GON4L: variants seen among roughly 807,000 people sequenced by gnomAD.
GON4L encodes the protein GON-4-like protein.
In GON4L, 87 loss-of-function variants were observed where a neutral mutation model predicts 211.8. The observed-to-expected ratio is 0.41, with a 90% CI of 0.35 to 0.49. The LOEUF is 0.49. Ranked by LOEUF, GON4L falls within the 20% of genes least tolerant of loss-of-function variation. The pLI is 0.15. For missense variants in GON4L, 2,155 were observed against 2,659.5 expected (o/e 0.81, Z 4.17); for synonymous variants, 875 against 962.6 (o/e 0.91, Z 1.68).
At chr1:155,806,210 T>C (rs973590231) in intron 10 of GON4L, among the ~76,000 whole-genome samples, 1 of 151,146 alleles carries the variant, frequency 6.6e-6, no homozygotes, top group Non-Finnish European at 1.5e-5. Context: ...TGGAGTGCAG[T>C]GGTACGATCT....
intron 19 of GON4L, 42 bp downstream of exon 19, chr1:155,771,025 T>C (rs970257097): frequency 1.2e-6 from 2 of 1,613,270 alleles, no homozygotes; most frequent in African/African-American, 2.7e-5. Context: ...AATGGGTACA[T>C]ATTGGTGAGG....
chr1:155,834,022 A>G (rs1357929586), intron 2 of GON4L, among the ~76,000 whole-genome samples: 2 of 151,958 alleles, frequency 1.3e-5, no homozygotes, highest in Admixed American at 1.3e-4. Flanking sequence ...GATGGAACCT[A>G]GCTATCTTGC....
intron 11 of GON4L, among the ~76,000 whole-genome samples, chr1:155,798,723 A>C (rs1666339322): frequency 6.6e-6 from 1 of 151,820 alleles, no homozygotes; most frequent in Non-Finnish European, 1.5e-5. Flanking sequence ...GCCTGATCAA[A>C]AAGTTCTTAA....
intron 12 of GON4L, among the ~76,000 whole-genome samples, chr1:155,792,739 T>C (rs776528366): frequency 6.6e-6 from 1 of 152,190 alleles, no homozygotes; most frequent in Non-Finnish European, 1.5e-5. Flanking sequence ...GTTTCTTTAC[T>C]GTTGACCATT....
chr1:155,759,155 C>T (rs1435186147), intron 24 of GON4L, among the ~76,000 whole-genome samples: 1 of 151,972 alleles, frequency 6.6e-6, no homozygotes. Flanking sequence ...CACCACCACA[C>T]CCAGTTAGTT....
At chr1:155,850,917 C>T (rs1419938585) in intron 2 of GON4L, among the ~76,000 whole-genome samples, 4 of 151,126 alleles carry the variant, frequency 2.6e-5, no homozygotes, top group Admixed American at 2.0e-4. Context: ...ATTAGCTGAG[C>T]GTGGCAGCGT....
rs1168282067 is a variant in GON4L at position 155,765,381 on chromosome 1, C to T, written c.4092G>A (p.Glu1364=). 2 of 1,614,184 alleles carry T rather than the reference C, an allele frequency of 1.2e-6. No individual in the cohort carries two copies. The highest frequency in any genetic ancestry group is 1.7e-5 in the Admixed American group (1 of 60,010). Residue 1364 remains glutamate, a synonymous_variant, in exon 21 of 32, where the codon GAG becomes GAA. Coordinates refer to ENST00000368331, the MANE Select transcript of GON4L (RefSeq NM_001282860.2). ...VELDTGAPSE[E]LSSAGEVTKQ... is the part of the protein sequence containing the mutation. ...TCGTTACTTCTCCAGCACTGCTCAA[C>T]TCCTCGCTTGGGGCACCAGTGTCCA...
rs181071527 is a variant in GON4L, at chr1:155,770,525, G to A, written c.2646+542C>T. 1.4e-3 allele frequency among the ~76,000 whole-genome samples: 207 copies of A among 152,184 alleles called. 2 individuals carry two copies. The highest frequency in any genetic ancestry group is 4.1e-3 in the African/African-American group (169 of 41,524). On this transcript the variant is annotated intron_variant, in intron 19 of 31. Transcript: ENST00000368331. ...AAACAGGATGATAGAGCAAGAACCC[G>A]TCTCTAAAAACACAACATAAATATC...
downstream of GON4L, chr1:155,748,619 A>G: frequency 6.2e-7 from 1 of 1,613,318 alleles, no homozygotes; most frequent in Non-Finnish European, 8.5e-7. Context: ...TGACAGCAGG[A>G]GCAATCATCC....
intron 14 of GON4L, among the ~76,000 whole-genome samples, chr1:155,781,456 ATTATT>A (rs1664418623): frequency 4.2e-4 from 1 of 2,380 alleles, no homozygotes; most frequent in African/African-American, 4.6e-4. Context: ...TATAATTATT[ATTATT>A]ATTATTATTA....
At chr1:155,780,196 A>G (rs2101875472) in intron 14 of GON4L, among the ~76,000 whole-genome samples, 1 of 152,318 alleles carries the variant, frequency 6.6e-6, no homozygotes, top group Admixed American at 6.5e-5. Context: ...GTAAACTATC[A>G]TTACTTTAGT....
intron 10 of GON4L, among the ~76,000 whole-genome samples, chr1:155,808,141 A>G (rs934617322): frequency 6.6e-6 from 1 of 151,564 alleles, no homozygotes; most frequent in Non-Finnish European, 1.5e-5. Context: ...CATTCAAGCG[A>G]TTCTCCTGCC....
At chr1:155,852,151 C>T (rs1006244095) in intron 2 of GON4L, among the ~76,000 whole-genome samples, 30 of 110,354 alleles carry the variant, frequency 2.7e-4, no homozygotes, top group Admixed American at 1.3e-3. Flanking sequence ...GGCAACAGAG[C>T]GAGACTGTCA....
chr1:155,853,946 T>C, intron 1 of GON4L, 140 bp from the exon 2 acceptor site: 1 of 648,610 alleles, frequency 1.5e-6, no homozygotes, highest in South Asian at 1.9e-5. Context: ...AGGTGGAAGT[T>C]GAGAGACAGT....
chr1:155,745,858 A>T, downstream of GON4L: 1 of 846,918 alleles, frequency 1.2e-6, no homozygotes. Flanking sequence ...AGGTGCTCAC[A>T]CTGCAGTTGG....
At chr1:155,760,115 A>G (rs1222240605) in intron 24 of GON4L, among the ~76,000 whole-genome samples, 1 of 151,722 alleles carries the variant, frequency 6.6e-6, no homozygotes, top group Non-Finnish European at 1.5e-5. Flanking sequence ...ATTGCTAGGA[A>G]TTCCTGACAG....
At position 155,766,035 on chromosome 1, in the gene GON4L, A is replaced by C. The variant is rs1036404550; in HGVS notation, c.3438T>G (p.Thr1146=). 5.6e-6 allele frequency: 9 copies of C among 1,614,088 alleles called. No homozygotes were observed. The highest frequency in any genetic ancestry group is 7.6e-6 in the Non-Finnish European group (9 of 1,180,032). ...CAATCTTCACAGTGGTAGCAGGAAC[A>C]GTGAAGATAACAGATGCAGGGTGGT... ...VIHHPASVIF[T]VPATTVKIVS... is the part of the protein sequence containing the mutation. The change falls in exon 21 of 32, where the codon ACT becomes ACG. Residue 1146 remains threonine (T), a synonymous_variant. Transcript: ENST00000368331.
intron 8 of GON4L, among the ~76,000 whole-genome samples, chr1:155,815,340 T>C (rs1001655949): frequency 1.6e-4 from 25 of 152,058 alleles, no homozygotes. Context: ...ACAAAACATA[T>C]AAACATGGGT....
chr1:155,770,304 C>T (rs931469595), intron 19 of GON4L, among the ~76,000 whole-genome samples: 1 of 151,736 alleles, frequency 6.6e-6, no homozygotes, highest in Non-Finnish European at 1.5e-5. Context: ...CTGAGGCAGG[C>T]GGACTGACAC....
Sources: allele counts gnomAD v4.1 joint callset (sites outside exome capture counted in the v4.1 genomes callset), GRCh38; gene constraint gnomAD v4.1.1; transcripts MANE v1.5; gene names NCBI Gene and HGNC (gene_info 2026-07-23, HGNC 2026-07-21).